Variants in CDH4 observed in about 807,000 individuals in gnomAD.
CDH4 encodes the protein cadherin 4.
In CDH4, 33 loss-of-function variants were observed where a neutral mutation model predicts 86.0. The ratio of observed to expected loss-of-function variants is 0.38; its 90% CI spans 0.29 to 0.51. CDH4 has a LOEUF of 0.51. Among genes scored for constraint, CDH4 ranks in the 20% least tolerant of loss-of-function variants. CDH4 has a pLI of 0.86. For missense variants in CDH4, 1,114 were observed against 1,307.4 expected (o/e 0.85, Z 2.28); for synonymous variants, 555 against 549.4 (o/e 1.01, Z -0.14).
At position 61,526,479 on chromosome 20, in the gene CDH4, G is replaced by GTT. The variant is rs113473143; in HGVS notation, c.170-217076_170-217075dup. 9.7e-3 allele frequency among the ~76,000 whole-genome samples: 1,464 copies of GTT among 150,306 alleles called. 7 individuals are homozygous for GTT. Among genetic ancestry groups the GTT allele is most frequent in the African/African-American group, 0.019 (781 of 40,794 alleles). Reference sequence around the variant, plus strand: ...CTAAAAAAGACCACATCCCTGGCTTGTTTTTTTTTCTTTCTTTTTTTTTAA... The same window carrying GTT: ...CTAAAAAAGACCACATCCCTGGCTTGTTTTTTTTTTTCTTTCTTTTTTTTTAA... On this transcript the variant is annotated intron_variant, in intron 2 of 15. Coordinates refer to ENST00000614565, the MANE Select transcript of CDH4 (RefSeq NM_001794.5).
rs968422467 is a variant in CDH4 at position 61,509,842 on chromosome 20, T to C, written c.170-233721T>C. Among the ~76,000 whole-genome samples, 25 of 152,274 alleles carry C rather than the reference T, an allele frequency of 1.6e-4. 1 individual carries two copies. The highest frequency in any genetic ancestry group is 1.6e-3 in the Admixed American group (24 of 15,296). On this transcript the variant is annotated intron_variant, in intron 2 of 15. Transcript: ENST00000614565. ...TCTCAGGAAAACAGTGGATTTCCAC[T>C]GGCAGATGCTGGTGGCTGCAAGCTC... is the stretch of plus-strand genomic sequence containing the variant.
chr20:61,304,750 C>T (rs1437367983), intron 2 of CDH4, among the ~76,000 whole-genome samples: 2 of 149,020 alleles, frequency 1.3e-5, no homozygotes, highest in East Asian at 1.9e-4. Context: ...GTTTTGCATG[C>T]AGTGTGCATG....
chr20:61,831,632 G>A (rs960584157), intron 4 of CDH4, among the ~76,000 whole-genome samples: 2 of 152,208 alleles, frequency 1.3e-5, no homozygotes, highest in East Asian at 1.9e-4. Flanking sequence ...CAAAGCAAAT[G>A]TCCGGCAGGC....
intron 7 of CDH4, among the ~76,000 whole-genome samples, chr20:61,892,126 T>C (rs1984851028): frequency 1.3e-5 from 2 of 152,218 alleles, no homozygotes. Flanking sequence ...TTTACAATAA[T>C]AGTGATGCGC....
intron 8 of CDH4, among the ~76,000 whole-genome samples, chr20:61,898,837 T>C (rs145889216): frequency 5.2e-3 from 786 of 152,268 alleles, no homozygotes; most frequent in Non-Finnish European, 8.5e-3. Context: ...AAAAATGCCA[T>C]GGGTGGTGCC....
chr20:61,546,578 G>A (rs1474267938), intron 2 of CDH4, among the ~76,000 whole-genome samples: 1 of 151,734 alleles, frequency 6.6e-6, no homozygotes, highest in Non-Finnish European at 1.5e-5. Flanking sequence ...CCAGAAATCA[G>A]GGCAGGGAGG....
chr20:61,654,844 G>A (rs995312762), intron 2 of CDH4, among the ~76,000 whole-genome samples: 4 of 152,250 alleles, frequency 2.6e-5, no homozygotes, highest in Non-Finnish European at 5.9e-5. Flanking sequence ...GCTGCAGCCC[G>A]GGAAGGGGCT....
At chr20:61,284,720 A>G (rs187429777) in intron 2 of CDH4, among the ~76,000 whole-genome samples, 70 of 152,358 alleles carry the variant, frequency 4.6e-4, no homozygotes, top group African/African-American at 1.6e-3. Flanking sequence ...AACCCATCCA[A>G]ACTGGCTGAA....
At chr20:61,892,293 C>T (rs982788548) in intron 7 of CDH4, among the ~76,000 whole-genome samples, 2 of 152,202 alleles carry the variant, frequency 1.3e-5, no homozygotes, top group Non-Finnish European at 2.9e-5. Context: ...CTGTTGCCAC[C>T]ACAATCATTG....
chr20:61,506,688 A>T (rs1370815708), intron 2 of CDH4, among the ~76,000 whole-genome samples: 1 of 152,188 alleles, frequency 6.6e-6, no homozygotes, highest in Non-Finnish European at 1.5e-5. Flanking sequence ...GGGGAGGAAA[A>T]GGCTGAGCCA....
rs2055249357 is a variant in CDH4, at chr20:61,940,361, C to T, written c.*3418C>T. 6.6e-6 allele frequency: 1 copy of T among 151,738 alleles called. No individual in the cohort carries two copies. The highest frequency in any genetic ancestry group is 1.5e-5 in the Non-Finnish European group (1 of 68,016). The allele number at this position is 151,738 out of a possible 1,614,324, so 9.4% of individuals were successfully genotyped here. ...CTGGAGTATGATGTACTCACACCTG[C>T]AAATCTGAGCATCGCGAGGTTAAAC... On this transcript the variant is annotated 3_prime_UTR_variant, in exon 16 of 16. Coordinates refer to ENST00000614565, the MANE Select transcript of CDH4 (RefSeq NM_001794.5).
chr20:61,678,805 C>A (rs974734675), intron 2 of CDH4, among the ~76,000 whole-genome samples: 4 of 152,198 alleles, frequency 2.6e-5, no homozygotes, highest in African/African-American at 9.7e-5. Context: ...TAGCCATCTT[C>A]TCCCTGTATG....
At chr20:61,857,893 G>A (rs1983094437) in intron 6 of CDH4, among the ~76,000 whole-genome samples, 1 of 151,996 alleles carries the variant, frequency 6.6e-6, no homozygotes, top group Non-Finnish European at 1.5e-5. Context: ...CTGTGTGTGT[G>A]TGTGTCTCTG....
At chr20:61,651,672 G>A (rs1370522309) in intron 2 of CDH4, among the ~76,000 whole-genome samples, 1 of 152,164 alleles carries the variant, frequency 6.6e-6, no homozygotes, top group African/African-American at 2.4e-5. Flanking sequence ...TGCTGCAGGG[G>A]ACTTGCACCA....
chr20:61,263,506 G>T (rs886533939), intron 2 of CDH4, among the ~76,000 whole-genome samples: 108 of 152,326 alleles, frequency 7.1e-4, no homozygotes, highest in African/African-American at 2.5e-3. Context: ...ATTTAACGCT[G>T]TCAGGAGACC....
chr20:61,917,457 G>A (rs1181441549), intron 9 of CDH4, among the ~76,000 whole-genome samples: 1 of 152,258 alleles, frequency 6.6e-6, no homozygotes, highest in Non-Finnish European at 1.5e-5. Flanking sequence ...TCCCCTTCGG[G>A]CAGCAACAGA....
chr20:61,659,721 G>A (rs1461604908), intron 2 of CDH4, among the ~76,000 whole-genome samples: 1 of 151,906 alleles, frequency 6.6e-6, no homozygotes, highest in Non-Finnish European at 1.5e-5. Flanking sequence ...TCCGAGGCTT[G>A]GAGGCAGGAG....
intron 4 of CDH4, 30 bp downstream of exon 4, chr20:61,773,212 G>A (rs201276877): frequency 3.6e-4 from 534 of 1,499,142 alleles, no homozygotes; most frequent in Non-Finnish European, 4.1e-4. Flanking sequence ...GCGGGCACGG[G>A]GGTCTCGGCG....
rs2086276626 is a variant in CDH4, at chr20:61,565,279, T to TA, written c.170-178284_170-178283insA. On this transcript the variant is annotated intron_variant, in intron 2 of 15. Transcript: ENST00000614565. ...GTGATGGTGGTGGTGGTCCTCTTGG[T>TA]GATGGGGTGATGGTGGTGGCGGTGC... is the stretch of plus-strand genomic sequence containing the variant. Among the ~76,000 whole-genome samples, 10 of 106,968 alleles carry TA rather than the reference T, an allele frequency of 9.3e-5. 3 individuals carry two copies. Among genetic ancestry groups the TA allele is most frequent in the Admixed American group, 1.9e-4 (2 of 10,582 alleles). The allele number at this position is 106,968 out of a possible 152,430, so 70.2% of individuals were successfully genotyped here.
Sources: gnomAD v4.1 joint callset for allele counts (sites outside exome capture counted in the v4.1 genomes callset) on GRCh38, gnomAD v4.1.1 for gene constraint, MANE v1.5 for transcripts, NCBI Gene and HGNC (gene_info 2026-07-23, HGNC 2026-07-21) for gene names.